Variants in CHIC2 observed in about 807,000 individuals in gnomAD.
The protein encoded by CHIC2 is cysteine-rich hydrophobic domain-containing protein 2.
A neutral mutation model predicts 25.9 loss-of-function variants in CHIC2; 14 were observed. The ratio of observed to expected loss-of-function variants is 0.54; its 90% CI spans 0.36 to 0.85. The LOEUF is 0.85. Among genes scored for constraint, CHIC2 ranks in the 40% least tolerant of loss-of-function variants. The probability of loss-of-function intolerance (pLI) is 0.01; values close to 1 mark genes in which losing one functional copy is unlikely to be tolerated. For synonymous variants in CHIC2, 70 were observed against 72.0 expected (o/e 0.97, Z 0.14); for missense variants, 146 against 202.0 (o/e 0.72, Z 1.68).
At chr4:54,053,556 C>CAAAAAAAA (rs59889546) in intron 1 of CHIC2, among the ~76,000 whole-genome samples, 1 of 73,972 alleles carries the variant, frequency 1.4e-5, no homozygotes, top group African/African-American at 5.1e-5. Flanking sequence ...GACTCAGTCT[C>CAAAAAAAA]AAAAAAAAAA....
intron 3 of CHIC2, among the ~76,000 whole-genome samples, chr4:54,038,247 T>C (rs546114028): frequency 2.6e-5 from 4 of 152,334 alleles, no homozygotes; most frequent in African/African-American, 9.6e-5. Flanking sequence ...AAAAAGTTCC[T>C]GGAATTTAAT....
At chr4:54,067,479 T>C (rs1717541077), upstream of CHIC2, among the ~76,000 whole-genome samples, 1 of 152,046 alleles carries the variant, frequency 6.6e-6, no homozygotes. Context: ...CCTGCCAACC[T>C]TCCAAGATCC....
chr4:54,068,772 T>C (rs1202160386), upstream of CHIC2, among the ~76,000 whole-genome samples: 2 of 152,288 alleles, frequency 1.3e-5, no homozygotes, highest in African/African-American at 2.4e-5. Flanking sequence ...ACTCTCTACC[T>C]GGAGATAGCA....
At position 54,014,066 on chromosome 4, in the gene CHIC2, G is replaced by A; in HGVS notation, c.384C>T (p.His128=). The A allele has an allele frequency of 6.2e-7, 1 of 1,613,146 alleles. No individual in the cohort carries two copies. The highest frequency in any genetic ancestry group is 1.1e-5 in the South Asian group (1 of 91,052). ...LLEWENNRLY[H]KLCLHWRLSK... is the part of the protein sequence containing the mutation. ...AGCTGCTCCCTGTGGTACTCACCTT[G>A]TGGTATAACCTATTGTTTTCCCATT... Residue 128 remains histidine (H), a synonymous_variant, in exon 4 of 6, where the codon CAC becomes CAT. Transcript: ENST00000263921.
chr4:54,077,912 C>G, the CHIC2 span, among the ~76,000 whole-genome samples: 1 of 152,198 alleles, frequency 6.6e-6, no homozygotes, highest in Admixed American at 6.5e-5. Context: ...TTGACTAAAT[C>G]AGAGACCATT....
In CHIC2 at chr4:54,056,772, G is replaced by A. The variant is rs376967051; in HGVS notation, c.119+7410C>T. ...ACTGTGAGAACATTTCAGCTCCTAC[G>A]GATGCAACTGAGTTTTAAATGTAAG... On this transcript the variant is annotated intron_variant, in intron 1 of 5. Transcript: ENST00000263921. 1.0e-3 allele frequency among the ~76,000 whole-genome samples: 155 copies of A among 152,226 alleles called. 1 individual carries two copies. The highest frequency in any genetic ancestry group is 5.6e-3 in the Admixed American group (85 of 15,280).
At chr4:54,071,009 A>G in the CHIC2 span, among the ~76,000 whole-genome samples, 2 of 152,172 alleles carry the variant, frequency 1.3e-5, no homozygotes, top group African/African-American at 2.4e-5. Context: ...TTCTGCTCCA[A>G]TGCTTTAGGA....
chr4:54,091,694 TA>T, the CHIC2 span, among the ~76,000 whole-genome samples: 1 of 152,106 alleles, frequency 6.6e-6, no homozygotes, highest in Admixed American at 6.5e-5. Context: ...TGAAATAATT[TA>T]AAAATAAAAA....
the CHIC2 span, among the ~76,000 whole-genome samples, chr4:54,082,502 T>C: frequency 3.9e-5 from 6 of 152,108 alleles, no homozygotes; most frequent in African/African-American, 1.2e-4. Flanking sequence ...GCAGGGTGTC[T>C]GAACCCTCCA....
chr4:54,032,987 TAA>T (rs1716280926), intron 3 of CHIC2, among the ~76,000 whole-genome samples: 1 of 152,156 alleles, frequency 6.6e-6, no homozygotes, highest in Non-Finnish European at 1.5e-5. Context: ...TCCGGTTTTT[TAA>T]AAGTGTGTGG....
rs1717422150 is a variant in CHIC2 at position 54,064,086 on chromosome 4, C to G, written c.119+96G>C. Reference sequence around the variant, plus strand: ...GTTGCCTACTCTTTCGGAAGGCCCCCGACACCAGACGGACACAGGGGAAAC... The same window carrying G: ...GTTGCCTACTCTTTCGGAAGGCCCCGGACACCAGACGGACACAGGGGAAAC... On this transcript the variant is annotated intron_variant, in intron 1 of 5. Coordinates refer to ENST00000263921, the MANE Select transcript of CHIC2 (RefSeq NM_012110.4). The surrounding 1 kb of genome is among the most constrained non-coding windows in gnomAD (Gnocchi z 4.2). 1 of 1,085,684 alleles carries G rather than the reference C, an allele frequency of 9.2e-7. No homozygotes were observed. The highest frequency in any genetic ancestry group is 1.4e-5 in the South Asian group (1 of 70,836). 67.3% of individuals were successfully genotyped at this position (1,085,684 alleles called of 1,614,324 possible).
chr4:54,064,359 A>G lies in CHIC2; in HGVS notation c.-59T>C. Reference sequence around the variant, plus strand: ...TGACTCCCGGGGTTGGCGCCGGGGTACCGGCGGGCGAGGCGGCGGAGGCTG... The same window carrying G: ...TGACTCCCGGGGTTGGCGCCGGGGTGCCGGCGGGCGAGGCGGCGGAGGCTG... On this transcript the variant is annotated 5_prime_UTR_variant, in exon 1 of 6. Transcript: ENST00000263921. The surrounding 1 kb of genome is among the most constrained non-coding windows in gnomAD (Gnocchi z 4.2). 6.2e-7 allele frequency: 1 copy of G among 1,601,656 alleles called. No individual in the cohort carries two copies. The highest frequency in any genetic ancestry group is 2.3e-5 in the East Asian group (1 of 44,190).
chr4:54,042,530 AC>A (rs1716610397), intron 3 of CHIC2, among the ~76,000 whole-genome samples: 1 of 152,202 alleles, frequency 6.6e-6, no homozygotes, highest in African/African-American at 2.4e-5. Flanking sequence ...ACCAACACAA[AC>A]AAACAAGCCA....
chr4:54,050,314 C>T (rs1716966983), intron 1 of CHIC2, among the ~76,000 whole-genome samples: 1 of 152,108 alleles, frequency 6.6e-6, no homozygotes, highest in African/African-American at 2.4e-5. Flanking sequence ...AATCTTGAAA[C>T]AGGCTTGTTT....
At chr4:54,040,049 C>T (rs1369198564) in intron 3 of CHIC2, among the ~76,000 whole-genome samples, 1 of 152,000 alleles carries the variant, frequency 6.6e-6, no homozygotes, top group African/African-American at 2.4e-5. Context: ...GACGAGGGTT[C>T]AACTACAGAG....
the CHIC2 span, among the ~76,000 whole-genome samples, chr4:54,090,741 A>G: frequency 1.3e-5 from 2 of 152,148 alleles, no homozygotes; most frequent in African/African-American, 4.8e-5. Flanking sequence ...GTGGATTCAC[A>G]TCCAGGACCT....
rs372153766 is a variant in CHIC2 at position 54,011,189 on chromosome 4, T to C, written c.448-1044A>G. On this transcript the variant is annotated intron_variant, in intron 5 of 5. Coordinates refer to ENST00000263921, the MANE Select transcript of CHIC2 (RefSeq NM_012110.4). ...CTCCAGATTTCAATACTTCTACAAATTAGCTGTCTGGGCCAGGAATCTTCA... is the reference window on the plus strand; with the variant it reads ...CTCCAGATTTCAATACTTCTACAAACTAGCTGTCTGGGCCAGGAATCTTCA... Among the ~76,000 whole-genome samples, 39 of 152,220 alleles carry C rather than the reference T, an allele frequency of 2.6e-4. No individual in the cohort carries two copies. The South Asian group carries it at 6.6e-3, about 26-fold the overall frequency.
chr4:54,079,935 G>A, the CHIC2 span, among the ~76,000 whole-genome samples: 10 of 151,768 alleles, frequency 6.6e-5, no homozygotes, highest in African/African-American at 1.9e-4. Flanking sequence ...AAAACAGTAC[G>A]GCAGTTCCTC....
At chr4:54,039,941 A>C (rs1181209695) in intron 3 of CHIC2, among the ~76,000 whole-genome samples, 1 of 152,234 alleles carries the variant, frequency 6.6e-6, no homozygotes, top group Non-Finnish European at 1.5e-5. Context: ...AGACTCAAAA[A>C]GTTATATACA....
Sources: allele counts gnomAD v4.1 joint callset (sites outside exome capture counted in the v4.1 genomes callset), GRCh38; gene constraint gnomAD v4.1.1; non-coding constraint Gnocchi (gnomAD v3.1); transcripts MANE v1.5; gene names NCBI Gene and HGNC (gene_info 2026-07-23, HGNC 2026-07-21).